MEGF10: variants seen among roughly 807,000 people sequenced by gnomAD.
The protein encoded by MEGF10 is multiple epidermal growth factor-like domains protein 10.
In MEGF10, 86 loss-of-function variants were observed where a neutral mutation model predicts 147.5. The observed-to-expected ratio is 0.58, with a 90% CI of 0.49 to 0.70. The LOEUF (loss-of-function observed/expected upper bound fraction) is 0.70. Ranked by LOEUF, MEGF10 falls within the 30% of genes least tolerant of loss-of-function variation. The pLI, the probability that MEGF10 is intolerant of heterozygous loss-of-function variation, is 0.00. For synonymous variants in MEGF10, 478 were observed against 525.5 expected (o/e 0.91, Z 1.24); for missense variants, 1,329 against 1,487.3 (o/e 0.89, Z 1.75).
At chr5:127,355,657 C>T (rs186270957) in intron 4 of MEGF10, among the ~76,000 whole-genome samples, 3 of 152,250 alleles carry the variant, frequency 2.0e-5, no homozygotes, top group East Asian at 3.9e-4. Context: ...CAGTTTGGGT[C>T]GTTGGTCTCT....
chr5:127,445,360 A>C, intron 19 of MEGF10, 97 bp from the exon 20 acceptor site: 1 of 828,654 alleles, frequency 1.2e-6, no homozygotes. Flanking sequence ...AACTGAAAAT[A>C]TGCAGGCATT....
chr5:127,433,400 G>T lies in MEGF10; in HGVS notation c.1731G>T (p.Trp577Cys). ...HCDSVCAEGR[W>C]GPNCSLPCYC... is the part of the protein sequence containing the mutation. ...ACAGCGTGTGTGCTGAGGGACGCTGGGGCCCCAACTGCTCCCTGCCCTGCT... is the reference window on the plus strand; with the variant it reads ...ACAGCGTGTGTGCTGAGGGACGCTGTGGCCCCAACTGCTCCCTGCCCTGCT... Residue 577 changes from tryptophan to cysteine, a missense_variant, in exon 14 of 25, where the codon TGG becomes TGT. By Grantham distance (215) the Trp-to-Cys change is radical (BLOSUM62 -2). This residue lies in a region of MEGF10 where 980 missense variants were observed against 1,085.9 expected (regional missense o/e 0.90). Transcript: ENST00000503335. 6.2e-7 allele frequency: 1 copy of T among 1,614,148 alleles called. No homozygotes were observed.
intron 1 of MEGF10, among the ~76,000 whole-genome samples, chr5:127,294,324 C>T (rs1422313): frequency 0.39 from 58,683 of 152,044 alleles, 11,844 homozygotes; most frequent in Middle Eastern, 0.53. Flanking sequence ...ATACAAGTGG[C>T]TGGCCCATAG....
chr5:127,365,607 T>A (rs975630719), intron 4 of MEGF10, among the ~76,000 whole-genome samples: 4 of 152,206 alleles, frequency 2.6e-5, no homozygotes, highest in African/African-American at 9.6e-5. Flanking sequence ...GTTCTTCTCA[T>A]CAGTGTCTCT....
Position 127,419,101 on chromosome 5 carries a change from G to T in MEGF10, c.1306-19G>T. 6.3e-7 allele frequency: 1 copy of T among 1,586,786 alleles called. No homozygotes were observed. On this transcript the variant is annotated intron_variant, in intron 10 of 24. Coordinates refer to ENST00000503335, the MANE Select transcript of MEGF10 (RefSeq NM_001256545.2). Reference sequence around the variant, plus strand: ...CAGTTGGCAAAATTGAATGCATTTTGCTACTTGTGCCTGTCTAGGGAATTG... The same window carrying T: ...CAGTTGGCAAAATTGAATGCATTTTTCTACTTGTGCCTGTCTAGGGAATTG...
At position 127,398,755 on chromosome 5, in the gene MEGF10, C is replaced by A. The variant is rs1350357437; in HGVS notation, c.739C>A (p.His247Asn). The change falls in exon 7 of 25, where the codon CAT (histidine) becomes AAT (asparagine). Residue 247 changes from histidine (H) to asparagine (N), a missense_variant. This residue lies in a region of MEGF10 where 980 missense variants were observed against 1,085.9 expected (regional missense o/e 0.90). Coordinates refer to ENST00000503335, the MANE Select transcript of MEGF10 (RefSeq NM_001256545.2). ...CCCTTGTCAAAATGGAGGAGTGTGT[C>A]ATCACGTCACTGGAGAATGCTCTTG... ...RCPCQNGGVC[H>N]HVTGECSCPS... The A allele has an allele frequency of 3.7e-6, 6 of 1,613,952 alleles. No homozygotes were observed. Among genetic ancestry groups the A allele is most frequent in the Non-Finnish European group, 5.1e-6 (6 of 1,179,890 alleles).
At chr5:127,251,356 A>G in the MEGF10 span, among the ~76,000 whole-genome samples, 2 of 152,032 alleles carry the variant, frequency 1.3e-5, no homozygotes, top group Non-Finnish European at 2.9e-5. Context: ...GCGTTCTTGA[A>G]GTTACTTAAA....
chr5:127,432,677 A>AT (rs894081514), intron 13 of MEGF10, among the ~76,000 whole-genome samples: 1 of 151,792 alleles, frequency 6.6e-6, no homozygotes, highest in African/African-American at 2.4e-5. Context: ...TCCTTTTGTC[A>AT]TTTTTTTTAA....
At chr5:127,309,301 C>G (rs2126731612) in intron 1 of MEGF10, among the ~76,000 whole-genome samples, 1 of 152,266 alleles carries the variant, frequency 6.6e-6, no homozygotes, top group East Asian at 1.9e-4. Context: ...CATAACATAC[C>G]ATACAATTCA....
chr5:127,338,467 G>A (rs1282888218), intron 2 of MEGF10, among the ~76,000 whole-genome samples: 1 of 152,056 alleles, frequency 6.6e-6, no homozygotes, highest in East Asian at 1.9e-4. Flanking sequence ...TAGTGAAAAT[G>A]TATTGGAAAA....
chr5:127,329,584 T>C (rs1032641968), intron 1 of MEGF10, among the ~76,000 whole-genome samples: 15 of 152,186 alleles, frequency 9.9e-5, no homozygotes, highest in Non-Finnish European at 1.5e-4. Context: ...CATAAAGTTA[T>C]TATTCAATAC....
At chr5:127,352,009 C>G (rs2126822018) in intron 4 of MEGF10, among the ~76,000 whole-genome samples, 1 of 152,260 alleles carries the variant, frequency 6.6e-6, no homozygotes, top group Admixed American at 6.5e-5. Flanking sequence ...GATCATGTTC[C>G]TTTTATATCC....
chr5:127,317,041 T>C (rs937871165), intron 1 of MEGF10, among the ~76,000 whole-genome samples: 2 of 152,170 alleles, frequency 1.3e-5, no homozygotes, highest in Non-Finnish European at 2.9e-5. Flanking sequence ...TACCTGAGAA[T>C]TGTTCAAGCG....
At chr5:127,230,431 G>A in the MEGF10 span, among the ~76,000 whole-genome samples, 1 of 152,080 alleles carries the variant, frequency 6.6e-6, no homozygotes, top group Admixed American at 6.6e-5. Context: ...AAGGCAGAGA[G>A]GTCCAGGACT....
At chr5:127,333,993 GC>G (rs1240772588) in intron 2 of MEGF10, among the ~76,000 whole-genome samples, 1 of 152,116 alleles carries the variant, frequency 6.6e-6, no homozygotes, top group African/African-American at 2.4e-5. Flanking sequence ...AGAGTTGACA[GC>G]TATAATCTTC....
At chr5:127,410,660 A>G in intron 9 of MEGF10, 59 bp downstream of exon 9, 2 of 1,423,506 alleles carry the variant, frequency 1.4e-6, no homozygotes, top group Non-Finnish European at 1.9e-6. Context: ...CTTGGTTTTC[A>G]GGATTTGGAA....
intron 22 of MEGF10, among the ~76,000 whole-genome samples, chr5:127,451,674 C>T (rs920713266): frequency 6.6e-6 from 1 of 152,222 alleles, no homozygotes; most frequent in African/African-American, 2.4e-5. Flanking sequence ...GTACTGGTCA[C>T]ATGTAAATGT....
intron 1 of MEGF10, among the ~76,000 whole-genome samples, chr5:127,327,669 G>C (rs1761090177): frequency 6.6e-6 from 1 of 151,044 alleles, no homozygotes; most frequent in Non-Finnish European, 1.5e-5. Flanking sequence ...TAGGGAAAAA[G>C]TAAATGAATG....
chr5:127,358,481 G>T (rs941598731), intron 4 of MEGF10, among the ~76,000 whole-genome samples: 4 of 151,316 alleles, frequency 2.6e-5, no homozygotes, highest in Admixed American at 2.6e-4. Context: ...AAAACATGCT[G>T]TGGGAAACAA....
Sources: allele counts gnomAD v4.1 joint callset (sites outside exome capture counted in the v4.1 genomes callset), GRCh38; gene constraint gnomAD v4.1.1; regional missense constraint gnomAD v4.1.1; transcripts MANE v1.5; gene names NCBI Gene and HGNC (gene_info 2026-07-23, HGNC 2026-07-21).